Variants in SPEN observed in about 807,000 individuals in gnomAD.
SPEN encodes the protein msx2-interacting protein.
SPEN carries 18 observed loss-of-function variants against 269.9 expected under a neutral mutation model. The observed-to-expected ratio is 0.07, with a 90% CI of 0.05 to 0.10. SPEN has a LOEUF of 0.10. Ranked by LOEUF, SPEN falls within the 10% of genes least tolerant of loss-of-function variation. SPEN has a pLI of 1.00. For missense variants in SPEN, 3,822 were observed against 4,631.2 expected, an observed-to-expected ratio of 0.83 and a Z score of 5.07; for synonymous variants, 1,726 against 1,765.7, an observed-to-expected ratio of 0.98 and a Z score of 0.56.
At chr1:15,896,280 C>T (rs898551346) in intron 3 of SPEN, among the ~76,000 whole-genome samples, 3 of 145,142 alleles carry the variant, frequency 2.1e-5, no homozygotes, top group Non-Finnish European at 3.0e-5. Context: ...ACTGCAATCT[C>T]CGCCTCCCAG....
intron 3 of SPEN, among the ~76,000 whole-genome samples, chr1:15,907,686 G>A (rs1260712410): frequency 6.6e-6 from 1 of 151,682 alleles, no homozygotes; most frequent in East Asian, 1.9e-4. Context: ...ATAACATGGG[G>A]GAGAATATGA....
Position 15,937,390 on chromosome 1 carries a change from G to T in SPEN, c.10254G>T (p.Gln3418His), listed in dbSNP as rs116419497. The T allele has an allele frequency of 3.2e-5, 51 of 1,613,722 alleles. No individual in the cohort carries two copies. The highest frequency in any genetic ancestry group is 4.3e-5 in the Non-Finnish European group (51 of 1,180,028). Residue 3418 changes from glutamine (Q) to histidine (H), a missense_variant, in exon 12 of 15, where the codon CAG becomes CAT. Coordinates refer to ENST00000375759, the MANE Select transcript of SPEN (RefSeq NM_015001.3). This position sits in a 1 kb window ranked among gnomAD's most constrained non-coding sequence, Gnocchi z 5.7. ...PANRPPEPHTQVQRAQAETGP... is the reference protein window; with the variant it reads ...PANRPPEPHTHVQRAQAETGP... ...ACAGGCCACCTGAGCCTCACACCCA[G>T]GTTCAGAGGGCACAAGCAGAAACAG...
In SPEN at chr1:15,935,983, C is replaced by A; in HGVS notation, c.9743C>A (p.Ala3248Asp). ...DAKAAPTPTP[A>D]PVPVPVPLPA... ...AAAGCTGCCCCCACCCCCACCCCTG[C>A]CCCCGTCCCTGTCCCTGTCCCCCTT... Residue 3248 changes from alanine to aspartate, a missense_variant, in exon 11 of 15, where the codon GCC becomes GAC. Ala to Asp is a moderately radical substitution (Grantham distance 126). Around this residue, in one of 16 missense-constraint regions of SPEN, gnomAD observed 359 missense variants for 377.3 expected, o/e 0.95. Coordinates refer to ENST00000375759, the MANE Select transcript of SPEN (RefSeq NM_015001.3). This position sits in a 1 kb window ranked among gnomAD's most constrained non-coding sequence, Gnocchi z 7.7. 6.5e-7 allele frequency: 1 copy of A among 1,536,334 alleles called. No homozygotes were observed. Among genetic ancestry groups the A allele is most frequent in the Non-Finnish European group, 8.8e-7 (1 of 1,132,656 alleles).
intron 6 of SPEN, 43 bp from the exon 7 acceptor site, chr1:15,918,883 T>C: frequency 6.5e-7 from 1 of 1,541,550 alleles, no homozygotes; most frequent in Non-Finnish European, 8.8e-7. Context: ...TCTAATTTAT[T>C]TTCTTGGGCA....
At chr1:15,903,245 T>A (rs2070920526) in intron 3 of SPEN, among the ~76,000 whole-genome samples, 1 of 152,226 alleles carries the variant, frequency 6.6e-6, no homozygotes, top group South Asian at 2.1e-4. Flanking sequence ...GTTCGTTTAT[T>A]AAGAATTGTT....
intron 1 of SPEN, among the ~76,000 whole-genome samples, chr1:15,859,107 T>C (rs1032326803): frequency 2.6e-5 from 4 of 151,508 alleles, no homozygotes; most frequent in Non-Finnish European, 4.4e-5. Context: ...TTGAAATAGT[T>C]TTAAATTATA....
intron 10 of SPEN, among the ~76,000 whole-genome samples, chr1:15,927,248 G>A (rs1295619337): frequency 6.6e-6 from 1 of 152,194 alleles, no homozygotes; most frequent in African/African-American, 2.4e-5. Flanking sequence ...CTCTCATGGT[G>A]CTTGCAGTCA....
At chr1:15,925,944 C>T (rs2071161858) in intron 10 of SPEN, among the ~76,000 whole-genome samples, 1 of 152,110 alleles carries the variant, frequency 6.6e-6, no homozygotes, top group Admixed American at 6.5e-5. Context: ...AGCCTAATTC[C>T]ATGCCTAGTA....
intron 3 of SPEN, among the ~76,000 whole-genome samples, chr1:15,895,295 T>C (rs528235182): frequency 6.6e-6 from 1 of 152,216 alleles, no homozygotes; most frequent in Non-Finnish European, 1.5e-5. Flanking sequence ...ATCACCACTA[T>C]CCATTATCAT....
intron 3 of SPEN, among the ~76,000 whole-genome samples, chr1:15,885,550 C>G (rs554804512): frequency 6.6e-6 from 1 of 152,216 alleles, no homozygotes; most frequent in South Asian, 2.1e-4. Context: ...ATGCTCTTTC[C>G]TTAAAATATG....
At position 15,937,074 on chromosome 1, in the gene SPEN, T is replaced by A. The variant is rs988938545; in HGVS notation, c.10027-89T>A. The A allele has an allele frequency of 4.3e-5, 65 of 1,515,676 alleles. No individual in the cohort carries two copies. The highest frequency in any genetic ancestry group is 5.3e-5 in the Non-Finnish European group (60 of 1,124,444). The allele number at this position is 1,515,676 out of a possible 1,614,324, so 93.9% of individuals were successfully genotyped here. On this transcript the variant is annotated intron_variant, in intron 11 of 14. Coordinates refer to ENST00000375759, the MANE Select transcript of SPEN (RefSeq NM_015001.3). The surrounding 1 kb of genome is among the most constrained non-coding windows in gnomAD (Gnocchi z 5.7). Reference sequence around the variant, plus strand: ...ACGGGAGATGCCACATCTTATCCTTTCCCTGTGGCCCTTTGGGTCATTTGT... The same window carrying A: ...ACGGGAGATGCCACATCTTATCCTTACCCTGTGGCCCTTTGGGTCATTTGT...
chr1:15,894,272 TAAAG>T (rs1553177161), intron 3 of SPEN, among the ~76,000 whole-genome samples: 1 of 152,156 alleles, frequency 6.6e-6, no homozygotes, highest in Non-Finnish European at 1.5e-5. Flanking sequence ...GTCTCTTAAA[TAAAG>T]ACTGCTGCCA....
Position 15,935,414 on chromosome 1 carries a change from G to A in SPEN, c.9174G>A (p.Leu3058=). ...TCTCCACCAACGCCACAGTCATGCTGGCTGCAGGCATCCCAGTGCCCCAGT... is the reference window on the plus strand; with the variant it reads ...TCTCCACCAACGCCACAGTCATGCTAGCTGCAGGCATCCCAGTGCCCCAGT... ...TALSTNATVM[L]AAGIPVPQFI... is the part of the protein sequence containing the mutation. Residue 3058 remains leucine (L), a synonymous_variant, in exon 11 of 15, where the codon CTG becomes CTA. Transcript: ENST00000375759. This position sits in a 1 kb window ranked among gnomAD's most constrained non-coding sequence, Gnocchi z 7.7. 1.2e-6 allele frequency: 2 copies of A among 1,614,082 alleles called. No homozygotes were observed. Among genetic ancestry groups the A allele is most frequent in the South Asian group, 1.1e-5 (1 of 91,074 alleles).
chr1:15,865,158 T>C (rs971272191), intron 1 of SPEN, among the ~76,000 whole-genome samples: 4 of 150,974 alleles, frequency 2.6e-5, no homozygotes, highest in African/African-American at 9.7e-5. Context: ...TTCAAGCAAT[T>C]CTCTTGCCTC....
At chr1:15,902,769 G>GATT (rs1375410357) in intron 3 of SPEN, among the ~76,000 whole-genome samples, 1 of 152,162 alleles carries the variant, frequency 6.6e-6, no homozygotes, top group African/African-American at 2.4e-5. Context: ...ATTATATATT[G>GATT]ATTATATGGA....
At chr1:15,919,563 G>A (rs751977359) in intron 8 of SPEN, 46 bp downstream of exon 8, 285 of 1,189,666 alleles carry the variant, frequency 2.4e-4, no homozygotes, top group Admixed American at 3.9e-4. Context: ...TGACTCACTC[G>A]TCTTGGTATT....
chr1:15,901,124 C>T (rs1484250651), intron 3 of SPEN, among the ~76,000 whole-genome samples: 1 of 150,110 alleles, frequency 6.7e-6, no homozygotes, highest in African/African-American at 2.5e-5. Context: ...GTGACTGAGA[C>T]GGGAGGACGT....
chr1:15,937,988 G>T lies in SPEN; in HGVS notation c.10686G>T (p.Gly3562=). The change falls in exon 13 of 15, where the codon GGG becomes GGT. Residue 3562 remains glycine (G), a synonymous_variant. Coordinates refer to ENST00000375759, the MANE Select transcript of SPEN (RefSeq NM_015001.3). This position sits in a 1 kb window ranked among gnomAD's most constrained non-coding sequence, Gnocchi z 5.7. The stretch of plus-strand genomic sequence containing the variant: ...GGCTGGAGGCAACGCAGCTGGAAGG[G>T]GTTGCCCGAAGGATGACGGTAAGAC... ...RMRLEATQLE[G]VARRMTVETD... is the part of the protein sequence containing the mutation. The T allele has an allele frequency of 6.2e-7, 1 of 1,609,762 alleles. No individual in the cohort carries two copies. Among genetic ancestry groups the T allele is most frequent in the Non-Finnish European group, 8.5e-7 (1 of 1,178,544 alleles).
chr1:15,909,337 A>T lies in SPEN; in HGVS notation c.898A>T (p.Ser300Cys), dbSNP rs2148728142. ...TSSDSSDSSS[S>C]SSDDSPARSV... ...TTTTTGCAGCAGTGATTCCAGCAGT[A>T]GTTCAAGTGATGATTCTCCAGCTCG... Residue 300 changes from serine to cysteine, a missense_variant, in exon 4 of 15, where the codon AGT becomes TGT. Physicochemically the swap from Ser to Cys is moderately radical, Grantham distance 112. Transcript: ENST00000375759. 1.2e-6 allele frequency: 2 copies of T among 1,611,270 alleles called. No homozygotes were observed. The highest frequency in any genetic ancestry group is 1.7e-6 in the Non-Finnish European group (2 of 1,179,208).
Sources: allele counts gnomAD v4.1 joint callset (sites outside exome capture counted in the v4.1 genomes callset), GRCh38; gene constraint gnomAD v4.1.1; regional missense constraint gnomAD v4.1.1; non-coding constraint Gnocchi (gnomAD v3.1); transcripts MANE v1.5; gene names NCBI Gene and HGNC (gene_info 2026-07-23, HGNC 2026-07-21).